CFAP69: variants seen among roughly 807,000 people sequenced by gnomAD.
CFAP69 encodes the protein cilia and flagella associated protein 69.
CFAP69 carries 92 observed loss-of-function variants against 123.0 expected under a neutral mutation model. The ratio of observed to expected loss-of-function variants is 0.75; its 90% CI spans 0.63 to 0.89. The LOEUF (loss-of-function observed/expected upper bound fraction) is 0.89, where lower values mean the gene tolerates loss of function less well. Ranked by LOEUF, CFAP69 falls within the 40% of genes least tolerant of loss-of-function variation. The probability of loss-of-function intolerance (pLI) is 0.00; values close to 1 mark genes in which losing one functional copy is unlikely to be tolerated. For missense variants in CFAP69, 1,067 were observed against 1,096.9 expected (o/e 0.97, Z 0.39); for synonymous variants, 380 against 364.3 (o/e 1.04, Z -0.49).
At chr7:90,317,861 G>C in the CFAP69 span, 1 of 152,118 alleles carries the variant, frequency 6.6e-6, no homozygotes, top group African/African-American at 2.4e-5. Flanking sequence ...GACTGTAAAG[G>C]AGAGAATCTG....
chr7:90,252,110 C>CTCTGTG (rs1281941197), intron 1 of CFAP69: 1 of 146,574 alleles, frequency 6.8e-6, no homozygotes, highest in East Asian at 2.1e-4. Context: ...GAAAAACCCA[C>CTCTGTG]TGTGTGTGTG....
chr7:90,252,488 C>T (rs373335765), intron 1 of CFAP69, among the ~76,000 whole-genome samples: 12 of 152,000 alleles, frequency 7.9e-5, no homozygotes, highest in East Asian at 3.9e-4. Flanking sequence ...GGCAACATGG[C>T]GACACTCTAT....
chr7:90,306,378 A>T (rs1793596079), intron 19 of CFAP69, among the ~76,000 whole-genome samples: 1 of 152,172 alleles, frequency 6.6e-6, no homozygotes, highest in Admixed American at 6.5e-5. Context: ...CACTGACATG[A>T]TGGAACCATG....
At chr7:90,283,671 T>C (rs1179030903) in intron 13 of CFAP69, among the ~76,000 whole-genome samples, 2 of 152,308 alleles carry the variant, frequency 1.3e-5, no homozygotes, top group East Asian at 1.9e-4. Flanking sequence ...AAACAAAAGC[T>C]GCTTTGCCTT....
chr7:90,305,109 A>C (rs968473720), intron 19 of CFAP69, among the ~76,000 whole-genome samples: 5 of 151,932 alleles, frequency 3.3e-5, no homozygotes, highest in African/African-American at 1.2e-4. Flanking sequence ...TTGGGAGGCC[A>C]AGGCAGGTGG....
At chr7:90,307,133 G>A in intron 20 of CFAP69, 35 bp downstream of exon 20, 1 of 1,545,596 alleles carries the variant, frequency 6.5e-7, no homozygotes, top group Non-Finnish European at 8.9e-7. Flanking sequence ...GGAGAATGAA[G>A]ATAGGTTGGT....
rs930615651 is a variant in CFAP69 at position 90,245,206 on chromosome 7, C to A, written c.-219C>A. Reference sequence around the variant, plus strand: ...CGCTGGCTTGTGTTAACAACCGGCCCGGGATCAGAGGTCTGGGTCAACTGG... The same window carrying A: ...CGCTGGCTTGTGTTAACAACCGGCCAGGGATCAGAGGTCTGGGTCAACTGG... On this transcript the variant is annotated 5_prime_UTR_variant, in exon 1 of 23. Coordinates refer to ENST00000389297, the MANE Select transcript of CFAP69 (RefSeq NM_001039706.3). The A allele has an allele frequency of 4.1e-6, 2 of 483,276 alleles. No homozygotes were observed. The highest frequency in any genetic ancestry group is 5.6e-5 in the South Asian group (1 of 17,954). The allele number at this position is 483,276 out of a possible 1,614,324, so 29.9% of individuals were successfully genotyped here. A position where few individuals can be genotyped will look rare whatever the true frequency, so the allele number is the denominator to read the frequency against.
At chr7:90,282,845 C>A in intron 12 of CFAP69, 47 bp from the exon 13 acceptor site, 2 of 1,361,806 alleles carry the variant, frequency 1.5e-6, no homozygotes, top group Admixed American at 2.8e-5. Flanking sequence ...GATATATTTG[C>A]TTTATTTGAA....
chr7:90,305,475 C>G (rs1793446693), intron 19 of CFAP69, among the ~76,000 whole-genome samples: 1 of 151,492 alleles, frequency 6.6e-6, no homozygotes, highest in East Asian at 1.9e-4. Flanking sequence ...TCAATGCAAC[C>G]TCTGCCTCCC....
At chr7:90,249,167 G>T (rs1303416642) in intron 1 of CFAP69, among the ~76,000 whole-genome samples, 1 of 152,096 alleles carries the variant, frequency 6.6e-6, no homozygotes, top group Non-Finnish European at 1.5e-5. Flanking sequence ...GGATCATGGG[G>T]GTGATTTCCC....
chr7:90,303,554 T>A (rs1255312781), intron 17 of CFAP69: 1 of 959,598 alleles, frequency 1.0e-6, no homozygotes, highest in East Asian at 1.2e-4. Context: ...CCATTTTTAT[T>A]GTTTCTGAGT....
Position 90,310,147 on chromosome 7 carries a change from C to G in CFAP69, c.2735C>G (p.Ala912Gly). 6.2e-7 allele frequency: 1 copy of G among 1,613,896 alleles called. No homozygotes were observed. Among genetic ancestry groups the G allele is most frequent in the Non-Finnish European group, 8.5e-7 (1 of 1,179,876 alleles). Residue 912 changes from alanine to glycine, a missense_variant, in exon 23 of 23, where the codon GCT (alanine) becomes GGT (glycine). Transcript: ENST00000389297. The stretch of plus-strand genomic sequence containing the variant: ...GGACCTCTGGTTGATACGGATATTG[C>G]TCTTAAAAAACTGCCCATTCGAGGA... ...VGGPLVDTDI[A>G]LKKLPIRGGA...
At chr7:90,309,542 A>G (rs777687139) in intron 22 of CFAP69, among the ~76,000 whole-genome samples, 175 bp downstream of exon 22, 1 of 151,918 alleles carries the variant, frequency 6.6e-6, no homozygotes, top group Non-Finnish European at 1.5e-5. Context: ...TAAAAATTAG[A>G]AGTTAAAAAA....
chr7:90,272,021 CT>C, intron 8 of CFAP69, 63 bp downstream of exon 8: 1 of 1,416,296 alleles, frequency 7.1e-7, no homozygotes, highest in Non-Finnish European at 9.6e-7. Flanking sequence ...AGTGACATAA[CT>C]AACATCTTTG....
chr7:90,321,575 G>A, the CFAP69 span, among the ~76,000 whole-genome samples: 1 of 152,042 alleles, frequency 6.6e-6, no homozygotes, highest in African/African-American at 2.4e-5. Context: ...GATCCATCTC[G>A]GCATTAGTCA....
In CFAP69 at chr7:90,258,123, A is replaced by G. The variant is rs1454331707; in HGVS notation, c.206A>G (p.Lys69Arg). Reference protein sequence around the residue: ...DKDGLEEKQLKFVKKLVQCYQ... With the variant: ...DKDGLEEKQLRFVKKLVQCYQ... ...GATGGCTTGGAAGAAAAACAACTTAAATTTGTCAAGAAACTGGTACAGTGT... is the reference window on the plus strand; with the variant it reads ...GATGGCTTGGAAGAAAAACAACTTAGATTTGTCAAGAAACTGGTACAGTGT... Residue 69 changes from lysine (K) to arginine (R), a missense_variant, in exon 3 of 23, where the codon AAA (lysine) becomes AGA (arginine). Coordinates refer to ENST00000389297, the MANE Select transcript of CFAP69 (RefSeq NM_001039706.3). The G allele has an allele frequency of 6.2e-7, 1 of 1,611,460 alleles. No homozygotes were observed. Among genetic ancestry groups the G allele is most frequent in the African/African-American group, 1.3e-5 (1 of 74,822 alleles).
chr7:90,311,029 A>C lies in CFAP69; in HGVS notation c.*791A>C, dbSNP rs190343033. On this transcript the variant is annotated 3_prime_UTR_variant, in exon 23 of 23. Transcript: ENST00000389297. ...AAGAAAAAAAAATGCAGCTGGTTTTACTCTTAATATATAAATATACAAAGC... is the reference window on the plus strand; with the variant it reads ...AAGAAAAAAAAATGCAGCTGGTTTTCCTCTTAATATATAAATATACAAAGC... 1 of 152,278 alleles carries C rather than the reference A, an allele frequency of 6.6e-6. No individual in the cohort carries two copies. 9.4% of individuals were successfully genotyped at this position (152,278 alleles called of 1,614,324 possible). A position where few individuals can be genotyped will look rare whatever the true frequency, so the allele number is the denominator to read the frequency against.
chr7:90,297,355 G>A (rs1171319542), intron 15 of CFAP69, among the ~76,000 whole-genome samples: 1 of 152,190 alleles, frequency 6.6e-6, no homozygotes, highest in Non-Finnish European at 1.5e-5. Context: ...TTGGCTGAGA[G>A]AAGGGTTCGT....
Position 90,310,405 on chromosome 7 carries a change from C to T in CFAP69, c.*167C>T. ...TATAATTTATTTTTATGGAAAACATCAACATGTAATATCAGAAGAGTTGTC... is the reference window on the plus strand; with the variant it reads ...TATAATTTATTTTTATGGAAAACATTAACATGTAATATCAGAAGAGTTGTC... On this transcript the variant is annotated 3_prime_UTR_variant, in exon 23 of 23. Transcript: ENST00000389297. 2.7e-6 allele frequency: 1 copy of T among 366,538 alleles called. No individual in the cohort carries two copies. The highest frequency in any genetic ancestry group is 4.6e-6 in the Non-Finnish European group (1 of 215,370). The allele number at this position is 366,538 out of a possible 1,614,324, so 22.7% of individuals were successfully genotyped here.
Sources: gnomAD v4.1 joint callset for allele counts (sites outside exome capture counted in the v4.1 genomes callset) on GRCh38, gnomAD v4.1.1 for gene constraint, MANE v1.5 for transcripts, NCBI Gene and HGNC (gene_info 2026-07-23, HGNC 2026-07-21) for gene names.